Variants in WDR26 observed in about 807,000 individuals in gnomAD.
WDR26 encodes WD repeat domain 26, also known as WD repeat-containing protein 26.
A neutral mutation model predicts 84.1 loss-of-function variants in WDR26; 5 were observed. The ratio of observed to expected loss-of-function variants is 0.06; its 90% confidence interval spans 0.03 to 0.13. The LOEUF is 0.13. Among genes scored for constraint, WDR26 ranks in the 10% least tolerant of loss-of-function variants. WDR26 has a pLI of 1.00. For missense variants in WDR26, 642 were observed against 974.9 expected (o/e 0.66, Z 4.55); for synonymous variants, 415 against 389.6 (o/e 1.07, Z -0.77).
intron 12 of WDR26, among the ~76,000 whole-genome samples, chr1:224,394,419 G>A (rs1403288683): frequency 2.6e-5 from 4 of 152,082 alleles, no homozygotes; most frequent in Non-Finnish European, 4.4e-5. Context: ...CCTTTATTGG[G>A]TGCTTACAAA....
Position 224,388,037 on chromosome 1 carries a change from T to G in WDR26, c.*1798A>C, listed in dbSNP as rs754261873. ...CTTTTACATACCAATTTGATAAGAG[T>G]CTGCTGACCACGATCTGTCATTTTC... On this transcript the variant is annotated 3_prime_UTR_variant, in exon 14 of 14. Transcript: ENST00000414423. The G allele has an allele frequency of 6.6e-6, 1 of 152,482 alleles. No individual in the cohort carries two copies. The highest frequency in any genetic ancestry group is 1.5e-5 in the Non-Finnish European group (1 of 68,004). 9.4% of individuals were successfully genotyped at this position (152,482 alleles called of 1,614,324 possible).
chr1:224,418,228 C>G, intron 6 of WDR26, 32 bp downstream of exon 6: 1 of 1,565,496 alleles, frequency 6.4e-7, no homozygotes. Context: ...AAATGTTAGG[C>G]TGTTTCAGAA....
In WDR26 at chr1:224,408,905, G is replaced by C. The variant is rs986480420; in HGVS notation, c.1458+2522C>G. On this transcript the variant is annotated intron_variant, in intron 7 of 13. Transcript: ENST00000414423. Reference sequence around the variant, plus strand: ...ATCTACAAGAATGGGTCCAGGGATAGAATCAGGGGTCTATGAATTTAAATG... The same window carrying C: ...ATCTACAAGAATGGGTCCAGGGATACAATCAGGGGTCTATGAATTTAAATG... Among the ~76,000 whole-genome samples, 28 of 152,220 alleles carry C rather than the reference G, an allele frequency of 1.8e-4. 1 individual carries two copies. The highest frequency in any genetic ancestry group is 1.4e-3 in the Admixed American group (22 of 15,278).
intron 6 of WDR26, chr1:224,412,882 T>C: frequency 6.6e-6 from 1 of 152,546 alleles, no homozygotes; most frequent in East Asian, 1.9e-4. Flanking sequence ...AAATTCTCTG[T>C]ATTATAAAAA....
At position 224,389,560 on chromosome 1, in the gene WDR26, A is replaced by T. The variant is rs1673068195; in HGVS notation, c.*275T>A. 3 of 540,270 alleles carry T rather than the reference A, an allele frequency of 5.6e-6. No individual in the cohort carries two copies. Among genetic ancestry groups the T allele is most frequent in the Middle Eastern group, 4.7e-4 (1 of 2,128 alleles). 33.5% of individuals were successfully genotyped at this position (540,270 alleles called of 1,614,324 possible). On this transcript the variant is annotated 3_prime_UTR_variant, in exon 14 of 14. Transcript: ENST00000414423. ...GGAAAAAAATATATATACTGAGTTC[A>T]ATGGGTAAGCCTGAATGTAGCACAG... is the stretch of plus-strand genomic sequence containing the variant.
chr1:224,427,051 C>T (rs571995297), intron 3 of WDR26, among the ~76,000 whole-genome samples: 47 of 138,630 alleles, frequency 3.4e-4, no homozygotes, highest in South Asian at 1.1e-3. Flanking sequence ...TGCAGTGAGC[C>T]GAGATTGTGC....
rs1163177121 is a variant in WDR26, at chr1:224,389,643, G to A, written c.*192C>T. ...TGGTGTCCAACAACGTTCTAACGAC[G>A]TGCTTCATCTCAACTGGTTACTATG... On this transcript the variant is annotated 3_prime_UTR_variant, in exon 14 of 14. Transcript: ENST00000414423. The A allele has an allele frequency of 1.1e-5, 7 of 636,688 alleles. No individual in the cohort carries two copies. The highest frequency in any genetic ancestry group is 3.8e-5 in the African/African-American group (2 of 52,398). The allele number at this position is 636,688 out of a possible 1,614,324, so 39.4% of individuals were successfully genotyped here. A position where few individuals can be genotyped will look rare whatever the true frequency, so the allele number is the denominator to read the frequency against.
chr1:224,422,332 C>T (rs1417361783), intron 4 of WDR26, among the ~76,000 whole-genome samples: 3 of 152,202 alleles, frequency 2.0e-5, no homozygotes, highest in Non-Finnish European at 4.4e-5. Flanking sequence ...GGTTTTAAGA[C>T]TGCTGGAGAG....
intron 3 of WDR26, among the ~76,000 whole-genome samples, chr1:224,427,376 A>G (rs1185637716): frequency 1.3e-5 from 2 of 152,040 alleles, no homozygotes; most frequent in Non-Finnish European, 2.9e-5. Context: ...CCCCATTCCA[A>G]TGTGTGCAGG....
At chr1:224,429,515 G>A (rs1463609775) in intron 3 of WDR26, 1 of 152,158 alleles carries the variant, frequency 6.6e-6, no homozygotes, top group African/African-American at 2.4e-5. Flanking sequence ...TGGGATGGAT[G>A]AGAAAAGTAA....
rs112454893 is a variant in WDR26 at position 224,434,749 on chromosome 1, T to A, written c.-344A>T. Reference sequence around the variant, plus strand: ...CTGCCGCCTCTGTCCTCGGATCCGCTCCGCTCTGCTCCCTGGTGTGTTGAT... The same window carrying A: ...CTGCCGCCTCTGTCCTCGGATCCGCACCGCTCTGCTCCCTGGTGTGTTGAT... On this transcript the variant is annotated 5_prime_UTR_variant, in exon 1 of 14. Transcript: ENST00000414423. 9 of 987,004 alleles carry A rather than the reference T, an allele frequency of 9.1e-6. No homozygotes were observed. Among genetic ancestry groups the A allele is most frequent in the Admixed American group, 1.2e-4 (2 of 16,212 alleles). The allele number at this position is 987,004 out of a possible 1,614,324, so 61.1% of individuals were successfully genotyped here. A position where few individuals can be genotyped will look rare whatever the true frequency, so the allele number is the denominator to read the frequency against.
chr1:224,430,358 AT>A (rs1460758541), intron 3 of WDR26: 1 of 152,164 alleles, frequency 6.6e-6, no homozygotes, highest in Non-Finnish European at 1.5e-5. Context: ...AAGAATAAAA[AT>A]AATACACTAC....
In WDR26 at chr1:224,418,252, C is replaced by A; in HGVS notation, c.1319+8G>T. 1 of 1,589,102 alleles carries A rather than the reference C, an allele frequency of 6.3e-7. No individual in the cohort carries two copies. The highest frequency in any genetic ancestry group is 8.5e-7 in the Non-Finnish European group (1 of 1,170,854). ...GCTGTTTCAGAATATAGGAAGTTTT[C>A]CTCTTACCTACTACAAACATGGTCT... On this transcript the variant is annotated splice_region_variant and intron_variant, in intron 6 of 13. Transcript: ENST00000414423.
rs183595169 is a variant in WDR26, at chr1:224,414,501, A to G, written c.1320-2936T>C. On this transcript the variant is annotated intron_variant, in intron 6 of 13. Coordinates refer to ENST00000414423, the MANE Select transcript of WDR26 (RefSeq NM_001379403.1). ...TAATCAGAATAATTTTAATCAGAAT[A>G]ATTCATTTATTCATAATTCTTTATT... Among the ~76,000 whole-genome samples the G allele has an allele frequency of 4.8e-4, 73 of 152,326 alleles. 2 individuals are homozygous for G. In the East Asian group the frequency reaches 0.012, roughly 25 times the overall value.
chr1:224,395,071 G>C (rs1372999365), intron 12 of WDR26, among the ~76,000 whole-genome samples: 3 of 152,184 alleles, frequency 2.0e-5, no homozygotes, highest in African/African-American at 7.2e-5. Flanking sequence ...AGTATTGGTT[G>C]AGAGTATGGG....
rs928714887 is a variant in WDR26 at position 224,388,281 on chromosome 1, G to C, written c.*1554C>G. Reference sequence around the variant, plus strand: ...TTGGCTACACCTAAAGGGGAACTTAGTACAAGACTTTTTCTTCACCAGAAT... The same window carrying C: ...TTGGCTACACCTAAAGGGGAACTTACTACAAGACTTTTTCTTCACCAGAAT... On this transcript the variant is annotated 3_prime_UTR_variant, in exon 14 of 14. Coordinates refer to ENST00000414423, the MANE Select transcript of WDR26 (RefSeq NM_001379403.1). 1 of 152,148 alleles carries C rather than the reference G, an allele frequency of 6.6e-6. No homozygotes were observed. The highest frequency in any genetic ancestry group is 2.4e-5 in the African/African-American group (1 of 41,426). 9.4% of individuals were successfully genotyped at this position (152,148 alleles called of 1,614,324 possible). A position where few individuals can be genotyped will look rare whatever the true frequency, so the allele number is the denominator to read the frequency against.
rs947077160 is a variant in WDR26, at chr1:224,389,536, GA to G, written c.*298del. The stretch of plus-strand genomic sequence containing the variant: ...ATCCTGCCAGACAAAAGACAGGAAG[GA>G]AAAAAATATATATACTGAGTTCAAT... On this transcript the variant is annotated 3_prime_UTR_variant, in exon 14 of 14. Transcript: ENST00000414423. 1.8e-5 allele frequency: 9 copies of G among 513,040 alleles called. No homozygotes were observed. In the Admixed American group the frequency reaches 2.0e-4, roughly 11 times the overall value. 31.8% of individuals were successfully genotyped at this position (513,040 alleles called of 1,614,324 possible).
intron 1 of WDR26, among the ~76,000 whole-genome samples, chr1:224,432,420 C>T (rs987810937): frequency 1.3e-5 from 2 of 152,184 alleles, no homozygotes; most frequent in Non-Finnish European, 2.9e-5. Flanking sequence ...TCATACTAAT[C>T]CTTTTCCCTA....
intron 6 of WDR26, among the ~76,000 whole-genome samples, chr1:224,412,342 C>T (rs1673763236): frequency 2.0e-5 from 3 of 152,194 alleles, no homozygotes; most frequent in Admixed American, 2.0e-4. Flanking sequence ...AGATTTAAAT[C>T]TTGGCTCAGT....
Sources: allele counts gnomAD v4.1 joint callset (sites outside exome capture counted in the v4.1 genomes callset), GRCh38; gene constraint gnomAD v4.1.1; transcripts MANE v1.5; gene names NCBI Gene and HGNC (gene_info 2026-07-23, HGNC 2026-07-21).